Variants in PXYLP1 observed in about 807,000 individuals in gnomAD.
PXYLP1 encodes acid phosphatase-like 2.
Under a neutral mutation model 37.9 loss-of-function variants are expected in PXYLP1, and 17 were observed. That is an observed-to-expected ratio of 0.45 (90% CI 0.31 to 0.67). The LOEUF is 0.67. Ranked by LOEUF, PXYLP1 falls within the 30% of genes least tolerant of loss-of-function variation. PXYLP1 has a pLI of 0.07. For synonymous variants in PXYLP1, 221 were observed against 232.2 expected (o/e 0.95, Z 0.44); for missense variants, 511 against 612.0 (o/e 0.84, Z 1.74).
intron 2 of PXYLP1, chr3:141,274,002 C>T (rs1941729199): frequency 1.4e-5 from 14 of 985,934 alleles, no homozygotes; most frequent in Non-Finnish European, 1.7e-5. Context: ...TTCTGATGCC[C>T]CCACAGCCTC....
At chr3:141,280,719 G>A (rs1941933621) in intron 4 of PXYLP1, among the ~76,000 whole-genome samples, 1 of 152,216 alleles carries the variant, frequency 6.6e-6, no homozygotes, top group African/African-American at 2.4e-5. Context: ...TGGGTCACGA[G>A]CAATACCTGC....
Position 141,287,320 on chromosome 3 carries a change from G to GT in PXYLP1, c.373dup (p.Tyr125LeufsTer10). On this transcript the variant is annotated frameshift_variant, in exon 5 of 6. Transcript: ENST00000286353. LOFTEE classifies it high-confidence loss of function. ...CTCTCTATCATCTCTCTAGGAAACCGTATCACCCAAAACTGGAAGCTTTCA... is the reference window on the plus strand; with the variant it reads ...CTCTCTATCATCTCTCTAGGAAACCGTTATCACCCAAAACTGGAAGCTTTCA... 2 of 1,613,958 alleles carry GT rather than the reference G, an allele frequency of 1.2e-6. No homozygotes were observed. The highest frequency in any genetic ancestry group is 1.7e-6 in the Non-Finnish European group (2 of 1,179,916).
In PXYLP1 at chr3:141,293,498, C is replaced by T. The variant is rs146204377; in HGVS notation, c.*293C>T. On this transcript the variant is annotated 3_prime_UTR_variant, in exon 6 of 6. Coordinates refer to ENST00000286353, the MANE Select transcript of PXYLP1 (RefSeq NM_001037172.3). ...TAGTTCAAGACCTGAAGTTGCCAAT[C>T]CAAGTTTGCACTCTTCTGGCCTGCC... The T allele has an allele frequency of 8.4e-4, 307 of 363,694 alleles. No individual in the cohort carries two copies. Among genetic ancestry groups the T allele is most frequent in the African/African-American group, 5.8e-3 (281 of 48,864 alleles). The allele number at this position is 363,694 out of a possible 1,614,324, so 22.5% of individuals were successfully genotyped here. A position where few individuals can be genotyped will look rare whatever the true frequency, so the allele number is the denominator to read the frequency against.
intron 4 of PXYLP1, among the ~76,000 whole-genome samples, chr3:141,286,667 CTGTG>C (rs10595447): frequency 0.3 from 45,471 of 151,846 alleles, 9,155 homozygotes; most frequent in African/African-American, 0.58. Context: ...GAGGGACAGG[CTGTG>C]TGTGGCCCCT....
chr3:141,239,780 T>C (rs1466843984), intron 1 of PXYLP1, among the ~76,000 whole-genome samples: 1 of 152,254 alleles, frequency 6.6e-6, no homozygotes, highest in Non-Finnish European at 1.5e-5. Context: ...GACATCATCA[T>C]GTGCCACCAC....
At chr3:141,253,519 A>G (rs1941191674) in intron 1 of PXYLP1, among the ~76,000 whole-genome samples, 1 of 152,164 alleles carries the variant, frequency 6.6e-6, no homozygotes, top group Non-Finnish European at 1.5e-5. Context: ...GCTCTTCAAG[A>G]TGGAGTTCTG....
intron 1 of PXYLP1, among the ~76,000 whole-genome samples, chr3:141,252,643 GATTA>G: frequency 6.6e-6 from 1 of 152,286 alleles, no homozygotes; most frequent in South Asian, 2.1e-4. Flanking sequence ...CTACACTGGG[GATTA>G]CATGTCAACA....
intron 1 of PXYLP1, among the ~76,000 whole-genome samples, chr3:141,232,720 G>T (rs1940556165): frequency 2.0e-5 from 3 of 152,368 alleles, no homozygotes; most frequent in Admixed American, 6.5e-5. Context: ...TAGGTTGCCT[G>T]CTTTGCAGCC....
intron 4 of PXYLP1, 138 bp from the exon 5 acceptor site, chr3:141,287,176 G>A: frequency 1.1e-6 from 1 of 888,754 alleles, no homozygotes; most frequent in South Asian, 1.7e-5. Context: ...AATTGGAACT[G>A]AAAAGTGATT....
intron 2 of PXYLP1, among the ~76,000 whole-genome samples, chr3:141,270,051 C>T (rs530767470): frequency 6.6e-6 from 1 of 152,358 alleles, no homozygotes; most frequent in African/African-American, 2.4e-5. Flanking sequence ...GCAAATAGCC[C>T]AGGGAGCAGA....
intron 1 of PXYLP1, among the ~76,000 whole-genome samples, chr3:141,233,483 A>C (rs1049946975): frequency 4.6e-5 from 7 of 151,370 alleles, no homozygotes; most frequent in African/African-American, 1.7e-4. Context: ...AAAAAAAAAA[A>C]AACCCTCGTG....
intron 2 of PXYLP1, among the ~76,000 whole-genome samples, chr3:141,276,234 CTG>C (rs2148807506): frequency 6.6e-6 from 1 of 152,310 alleles, no homozygotes; most frequent in African/African-American, 2.4e-5. Context: ...CAACTCATGA[CTG>C]TACGTATATG....
rs190246658 is a variant in PXYLP1, at chr3:141,278,304, A to G, written c.80-38A>G. ...GGCCTTGCAGCTGGCCTGGCGCCCC[A>G]GGAACTGTGCGTCACAACCTGCCTT... On this transcript the variant is annotated intron_variant, in intron 2 of 5. Coordinates refer to ENST00000286353, the MANE Select transcript of PXYLP1 (RefSeq NM_001037172.3). 826 of 1,612,276 alleles carry G rather than the reference A, an allele frequency of 5.1e-4. 6 individuals are homozygous for G. The African/African-American group carries it at 0.01, about 20-fold the overall frequency.
intron 2 of PXYLP1, chr3:141,262,228 G>C (rs967147836): frequency 1.0e-6 from 1 of 955,866 alleles, no homozygotes; most frequent in African/African-American, 1.8e-5. Flanking sequence ...TAAAATACTC[G>C]TTTTATCCTT....
intron 1 of PXYLP1, chr3:141,258,590 C>G (rs1260125893): frequency 4.5e-5 from 7 of 155,098 alleles, no homozygotes; most frequent in African/African-American, 1.7e-4. Context: ...AGGGGGACTT[C>G]AGATGTGCAC....
intron 1 of PXYLP1, among the ~76,000 whole-genome samples, chr3:141,254,329 C>A (rs1941211545): frequency 1.3e-5 from 2 of 152,200 alleles, no homozygotes; most frequent in Admixed American, 6.5e-5. Context: ...ATCCTGTGTC[C>A]TGTGTTCTTA....
At chr3:141,272,775 A>G (rs1426637998) in intron 2 of PXYLP1, 1 of 146,512 alleles carries the variant, frequency 6.8e-6, no homozygotes, top group Admixed American at 7.3e-5. Flanking sequence ...CAGCCTGTCT[A>G]TTCATATTTT....
At chr3:141,279,543 T>G in intron 4 of PXYLP1, 39 bp downstream of exon 4, 3 of 1,612,008 alleles carry the variant, frequency 1.9e-6, no homozygotes, top group Non-Finnish European at 2.5e-6. Flanking sequence ...TTCAAGTGTC[T>G]GTTATATCCT....
At chr3:141,240,700 G>A (rs1940775950) in intron 1 of PXYLP1, among the ~76,000 whole-genome samples, 1 of 152,186 alleles carries the variant, frequency 6.6e-6, no homozygotes, top group African/African-American at 2.4e-5. Flanking sequence ...GAAAGAATGA[G>A]TGGATATTGA....
Sources: gnomAD v4.1 joint callset for allele counts (sites outside exome capture counted in the v4.1 genomes callset) on GRCh38, gnomAD v4.1.1 for gene constraint, MANE v1.5 for transcripts, NCBI Gene and HGNC (gene_info 2026-07-23, HGNC 2026-07-21) for gene names.